Variants in POLA1 observed in about 807,000 individuals in gnomAD.
POLA1 encodes DNA polymerase alpha 1, catalytic subunit.
A neutral mutation model predicts 124.0 loss-of-function variants in POLA1; 15 were observed. The observed-to-expected ratio is 0.12, with a 90% CI of 0.08 to 0.19. The LOEUF is 0.19. Among genes scored for constraint, POLA1 ranks in the 10% least tolerant of loss-of-function variants. The probability of loss-of-function intolerance (pLI) is 1.00; values close to 1 mark genes in which losing one functional copy is unlikely to be tolerated. For missense variants in POLA1, 886 were observed against 1,103.4 expected, an observed-to-expected ratio of 0.80 and a Z score of 2.79; for synonymous variants, 408 against 389.4, an observed-to-expected ratio of 1.05 and a Z score of -0.56.
chrX:24,822,427 A>G (rs182007324), intron 31 of POLA1, among the ~76,000 whole-genome samples: 1 of 112,820 alleles, frequency 8.9e-6, no homozygotes, highest in East Asian at 2.8e-4. Context: ...TGTTACAGTA[A>G]AAAAATGTTT....
intron 26 of POLA1, among the ~76,000 whole-genome samples, chrX:24,771,740 T>C (rs986170546): frequency 8.9e-6 from 1 of 112,046 alleles, no homozygotes; most frequent in African/African-American, 3.2e-5. Context: ...TTTTTTTTCT[T>C]TTAGTCTTAA....
At chrX:24,732,666 T>G (rs1443959684) in intron 16 of POLA1, among the ~76,000 whole-genome samples, 1 of 102,286 alleles carries the variant, frequency 9.8e-6, no homozygotes, top group Non-Finnish European at 2.0e-5. Context: ...AGCTGGTTCA[T>G]TTTTTTTTTT....
chrX:24,698,367 G>T (rs1928169202), intron 1 of POLA1, among the ~76,000 whole-genome samples: 1 of 111,933 alleles, frequency 8.9e-6, no homozygotes, highest in Non-Finnish European at 1.9e-5. Flanking sequence ...AACCATTTAA[G>T]TCCCTGTAGT....
At chrX:24,984,853 G>A (rs1397237946) in intron 36 of POLA1, among the ~76,000 whole-genome samples, 14 of 109,654 alleles carry the variant, frequency 1.3e-4, no homozygotes, top group African/African-American at 3.3e-4. Flanking sequence ...GTAGAGACGG[G>A]GTTTCACTGT....
chrX:24,988,729 G>A (rs1189902787), intron 36 of POLA1, among the ~76,000 whole-genome samples: 2 of 112,084 alleles, frequency 1.8e-5, no homozygotes, highest in African/African-American at 6.5e-5. Flanking sequence ...CACTTTGGGA[G>A]GCCGAGGTGG....
intron 36 of POLA1, among the ~76,000 whole-genome samples, chrX:24,964,156 A>G (rs11573505): frequency 1.8e-5 from 2 of 112,095 alleles, no homozygotes; most frequent in Admixed American, 9.5e-5. Context: ...AGCTATACAG[A>G]CACACCTTCT....
At chrX:24,953,976 A>C (rs966926994) in intron 36 of POLA1, among the ~76,000 whole-genome samples, 2 of 111,927 alleles carry the variant, frequency 1.8e-5, no homozygotes, top group African/African-American at 6.5e-5. Context: ...CTAGTATGAC[A>C]GTGAGTACAT....
intron 36 of POLA1, among the ~76,000 whole-genome samples, chrX:24,931,846 A>G (rs889783579): frequency 8.9e-6 from 1 of 112,141 alleles, no homozygotes; most frequent in South Asian, 3.7e-4. Flanking sequence ...ATCTGTTTCT[A>G]TCAGGTCTGT....
intron 36 of POLA1, among the ~76,000 whole-genome samples, chrX:24,957,862 C>T (rs747144754): frequency 3.7e-5 from 4 of 108,850 alleles, no homozygotes; most frequent in Non-Finnish European, 7.6e-5. Flanking sequence ...CAAGAGGAGA[C>T]GCGAGGAAAG....
chrX:24,733,736 T>C lies in POLA1; in HGVS notation c.1772-19T>C, dbSNP rs772216522. 1.1e-6 allele frequency: 1 copy of C among 952,054 alleles called. No homozygotes were observed. Among genetic ancestry groups the C allele is most frequent in the South Asian group, 2.3e-5 (1 of 43,372 alleles). 78.5% of individuals were successfully genotyped at this position (952,054 alleles called of 1,213,427 possible). ...ACTAAGATGGGTGTTGGAATCTTTATTTTTTTTCCTTTTTACAGTTGTGTC... is the reference window on the plus strand; with the variant it reads ...ACTAAGATGGGTGTTGGAATCTTTACTTTTTTTCCTTTTTACAGTTGTGTC... On this transcript the variant is annotated intron_variant, in intron 16 of 36. Coordinates refer to ENST00000379068, the MANE Select transcript of POLA1 (RefSeq NM_001330360.2).
chrX:24,905,552 ACC>A (rs757447706), intron 35 of POLA1, among the ~76,000 whole-genome samples: 110 of 62,044 alleles, frequency 1.8e-3, no homozygotes, highest in Admixed American at 4.0e-3. Flanking sequence ...GTAATGGTGA[ACC>A]CCCCCCCCCT....
rs184870126 is a variant in POLA1, at chrX:24,875,494, T to C, written c.4048-12512T>C. 2.7e-5 allele frequency among the ~76,000 whole-genome samples: 3 copies of C among 112,202 alleles called. No homozygotes were observed. In the East Asian group the frequency reaches 8.4e-4, roughly 31 times the overall value. The stretch of plus-strand genomic sequence containing the variant: ...ATATTTTCAAAGTGTAAAGAAGTTA[T>C]CACTGACTGAGAAGGAGTTAATGTG... On this transcript the variant is annotated intron_variant, in intron 34 of 36. Transcript: ENST00000379068.
intron 30 of POLA1, among the ~76,000 whole-genome samples, chrX:24,817,153 A>G (rs1333140525): frequency 8.9e-6 from 1 of 111,869 alleles, no homozygotes; most frequent in Non-Finnish European, 1.9e-5. Flanking sequence ...GCTGTTGGCA[A>G]GTAGTAGTTG....
intron 26 of POLA1, among the ~76,000 whole-genome samples, chrX:24,751,104 G>A (rs1299973861): frequency 8.9e-6 from 1 of 111,916 alleles, no homozygotes; most frequent in Non-Finnish European, 1.9e-5. Context: ...ATTGAGATTG[G>A]ATCAAGGTTA....
intron 36 of POLA1, among the ~76,000 whole-genome samples, chrX:24,931,856 T>G (rs778610946): frequency 1.2e-4 from 13 of 112,436 alleles, no homozygotes; most frequent in Non-Finnish European, 1.9e-4. Flanking sequence ...ATCAGGTCTG[T>G]TACCTCTTTC....
intron 15 of POLA1, among the ~76,000 whole-genome samples, chrX:24,731,990 T>C (rs1602297175): frequency 8.9e-6 from 1 of 112,177 alleles, no homozygotes; most frequent in Non-Finnish European, 1.9e-5. Context: ...AGTCTCACTC[T>C]GTCACCCATG....
At chrX:24,823,635 C>T (rs1424174040) in intron 31 of POLA1, among the ~76,000 whole-genome samples, 1 of 111,836 alleles carries the variant, frequency 8.9e-6, no homozygotes, top group African/African-American at 3.3e-5. Context: ...AACTCCTGAC[C>T]TCACGTGATC....
chrX:24,790,911 GTATATA>G (rs56343314), intron 26 of POLA1, among the ~76,000 whole-genome samples: 57 of 78,271 alleles, frequency 7.3e-4, no homozygotes, highest in African/African-American at 1.4e-3. Context: ...TTATGTATAT[GTATATA>G]TATATATATA....
chrX:24,872,792 G>T (rs1407285368), intron 34 of POLA1, among the ~76,000 whole-genome samples: 1 of 111,723 alleles, frequency 9.0e-6, no homozygotes, highest in Non-Finnish European at 1.9e-5. Context: ...ACAACTTTCA[G>T]AAGGATCAAA....
Sources: allele counts gnomAD v4.1 joint callset (sites outside exome capture counted in the v4.1 genomes callset), GRCh38; gene constraint gnomAD v4.1.1; transcripts MANE v1.5; gene names NCBI Gene and HGNC (gene_info 2026-07-23, HGNC 2026-07-21).